CSMD1: variants seen among roughly 807,000 people sequenced by gnomAD.
CSMD1 encodes CUB and sushi domain-containing protein 1.
In CSMD1, 213 loss-of-function variants were observed where a neutral mutation model predicts 417.5. The observed-to-expected ratio is 0.51, with a 90% CI of 0.46 to 0.57. The LOEUF (loss-of-function observed/expected upper bound fraction) is 0.57, where lower values mean the gene tolerates loss of function less well. Ranked by LOEUF, CSMD1 falls within the 20% of genes least tolerant of loss-of-function variation. CSMD1 has a pLI of 0.00. For synonymous variants in CSMD1, 2,862 were observed against 1,736.8 expected (o/e 1.65, Z -16.11); for missense variants, 6,923 against 4,529.7 (o/e 1.53, Z -15.17).
At chr8:4,200,378 A>C (rs975972465) in intron 3 of CSMD1, among the ~76,000 whole-genome samples, 5 of 152,192 alleles carry the variant, frequency 3.3e-5, no homozygotes, top group Non-Finnish European at 7.3e-5. Context: ...AAAGAAATAC[A>C]ACTTTAAAAA....
intron 3 of CSMD1, among the ~76,000 whole-genome samples, chr8:4,339,642 T>G (rs1256287249): frequency 6.6e-6 from 1 of 152,138 alleles, no homozygotes; most frequent in African/African-American, 2.4e-5. Context: ...AGGAAAACAT[T>G]CATCAGATGA....
At chr8:3,431,000 C>T (rs564583014) in intron 12 of CSMD1, among the ~76,000 whole-genome samples, 2 of 152,264 alleles carry the variant, frequency 1.3e-5, no homozygotes, top group East Asian at 1.9e-4. Context: ...CCTTAAATCT[C>T]TCTTCTTGGT....
intron 3 of CSMD1, among the ~76,000 whole-genome samples, chr8:4,037,709 C>T (rs1001495606): frequency 5.9e-5 from 9 of 152,216 alleles, no homozygotes; most frequent in Admixed American, 3.3e-4. Flanking sequence ...AATGAGATAA[C>T]AGGTCTCCAA....
chr8:3,393,348 G>C (rs1199142626), intron 17 of CSMD1, among the ~76,000 whole-genome samples: 1 of 152,124 alleles, frequency 6.6e-6, no homozygotes, highest in African/African-American at 2.4e-5. Context: ...CTTCCAACAA[G>C]GTGGAAAGAA....
chr8:4,452,864 G>C (rs1470903835), intron 2 of CSMD1, among the ~76,000 whole-genome samples: 3 of 152,136 alleles, frequency 2.0e-5, no homozygotes, highest in East Asian at 1.9e-4. Flanking sequence ...AGGTGATATA[G>C]GAAGGCCGAC....
Position 4,781,173 on chromosome 8 carries a change from C to T in CSMD1, c.86-143615G>A, listed in dbSNP as rs566826689. ...ATAGTGGCTGTGCTTTGTGCCCAAC[C>T]TAGCAAATACATCTCCGCAAGAAAG... On this transcript the variant is annotated intron_variant, in intron 1 of 69. Coordinates refer to ENST00000635120, the MANE Select transcript of CSMD1 (RefSeq NM_033225.6). Among the ~76,000 whole-genome samples the T allele has an allele frequency of 2.1e-3, 319 of 152,290 alleles. 3 individuals carry two copies. The highest frequency in any genetic ancestry group is 7.4e-3 in the African/African-American group (306 of 41,560).
chr8:3,618,991 G>A (rs937964110), intron 7 of CSMD1, among the ~76,000 whole-genome samples: 1 of 152,108 alleles, frequency 6.6e-6, no homozygotes, highest in East Asian at 1.9e-4. Flanking sequence ...GGCATAATTG[G>A]GATCTCTGGC....
intron 23 of CSMD1, among the ~76,000 whole-genome samples, chr8:3,333,625 A>G (rs1807050657): frequency 6.6e-6 from 1 of 152,244 alleles, no homozygotes; most frequent in African/African-American, 2.4e-5. Flanking sequence ...CTTTATTGAA[A>G]TAAGTAAAAA....
chr8:4,847,114 A>T (rs1240507110), intron 1 of CSMD1, among the ~76,000 whole-genome samples: 2 of 152,240 alleles, frequency 1.3e-5, no homozygotes, highest in African/African-American at 2.4e-5. Context: ...CTTTGATGTG[A>T]AAAGAGAACT....
chr8:3,050,119 A>AAAAC lies in CSMD1; in HGVS notation c.7660+2342_7660+2343insGTTT, dbSNP rs540290959. On this transcript the variant is annotated intron_variant, in intron 50 of 69. Transcript: ENST00000635120. ...CCTAGAGAACTTAAAAAAAAAAAAAAAACTGATGATTGGTCTCCACCTAAG... is the reference window on the plus strand; with the variant it reads ...CCTAGAGAACTTAAAAAAAAAAAAAAAAACAACTGATGATTGGTCTCCACCTAAG... Among the ~76,000 whole-genome samples, 23 of 151,954 alleles carry AAAAC rather than the reference A, an allele frequency of 1.5e-4. No individual in the cohort carries two copies. The South Asian group carries it at 4.2e-3, about 27-fold the overall frequency.
chr8:4,150,521 T>C (rs1444559292), intron 3 of CSMD1, among the ~76,000 whole-genome samples: 2 of 152,198 alleles, frequency 1.3e-5, no homozygotes, highest in East Asian at 3.8e-4. Flanking sequence ...AGAATTTCTC[T>C]TTCTGTTCTT....
intron 20 of CSMD1, among the ~76,000 whole-genome samples, chr8:3,363,718 T>C (rs1239312679): frequency 6.6e-6 from 1 of 152,098 alleles, no homozygotes; most frequent in Non-Finnish European, 1.5e-5. Flanking sequence ...ACATATGTAA[T>C]GGCACAAAGT....
intron 2 of CSMD1, among the ~76,000 whole-genome samples, chr8:4,542,218 T>G (rs1563271228): frequency 6.6e-6 from 1 of 152,172 alleles, no homozygotes; most frequent in Non-Finnish European, 1.5e-5. Context: ...TGGCACAACT[T>G]GTTTCATGGA....
At chr8:3,984,599 A>C (rs1814164077) in intron 5 of CSMD1, among the ~76,000 whole-genome samples, 1 of 150,968 alleles carries the variant, frequency 6.6e-6, no homozygotes, top group South Asian at 2.1e-4. Context: ...TCTTCAAGTA[A>C]GAAAAAATAC....
At chr8:3,093,222 A>G (rs1330839606) in intron 47 of CSMD1, among the ~76,000 whole-genome samples, 1 of 152,142 alleles carries the variant, frequency 6.6e-6, no homozygotes, top group African/African-American at 2.4e-5. Context: ...ATCTAATATA[A>G]CTGATGTCTT....
chr8:4,073,984 G>C (rs941165776), intron 3 of CSMD1, among the ~76,000 whole-genome samples: 1 of 151,980 alleles, frequency 6.6e-6, no homozygotes. Context: ...TTTGTCATTG[G>C]CTTTGGGAAG....
At chr8:3,717,080 C>A (rs1801882636) in intron 6 of CSMD1, among the ~76,000 whole-genome samples, 2 of 152,288 alleles carry the variant, frequency 1.3e-5, no homozygotes, top group South Asian at 2.1e-4. Context: ...CTAGAACCTG[C>A]TGGCTTTACC....
At chr8:4,465,872 T>C (rs950206181) in intron 2 of CSMD1, among the ~76,000 whole-genome samples, 11 of 152,158 alleles carry the variant, frequency 7.2e-5, no homozygotes, top group African/African-American at 2.7e-4. Flanking sequence ...GGTGATTGTA[T>C]CTGGAAGTGG....
At chr8:3,527,165 C>G (rs1043725839) in intron 10 of CSMD1, among the ~76,000 whole-genome samples, 2 of 151,886 alleles carry the variant, frequency 1.3e-5, no homozygotes, top group African/African-American at 2.4e-5. Context: ...TTTTATAACA[C>G]AAAAAAATAA....
Sources: gnomAD v4.1 joint callset for allele counts (sites outside exome capture counted in the v4.1 genomes callset) on GRCh38, gnomAD v4.1.1 for gene constraint, MANE v1.5 for transcripts, NCBI Gene and HGNC (gene_info 2026-07-23, HGNC 2026-07-21) for gene names.